PRTG: variants seen among roughly 807,000 people sequenced by gnomAD.
PRTG encodes the protein protogenin.
PRTG carries 67 observed loss-of-function variants against 122.5 expected under a neutral mutation model. That is an observed-to-expected ratio of 0.55 (90% confidence interval 0.45 to 0.67). The LOEUF is 0.67. PRTG is among the 30% of genes least tolerant of loss of function. The pLI is 0.00. For missense variants in PRTG, 1,435 were observed against 1,415.4 expected (o/e 1.01, Z -0.22); for synonymous variants, 554 against 501.1 (o/e 1.11, Z -1.41).
chr15:55,711,517 T>C (rs1255223432), intron 2 of PRTG, among the ~76,000 whole-genome samples: 7 of 152,070 alleles, frequency 4.6e-5, no homozygotes, highest in South Asian at 2.1e-4. Flanking sequence ...ACCAGGTCCT[T>C]GAGAAGCGCT....
At chr15:55,673,743 A>G in intron 9 of PRTG, 67 bp from the exon 10 acceptor site, 1 of 1,215,212 alleles carries the variant, frequency 8.2e-7, no homozygotes, top group East Asian at 2.3e-5. Flanking sequence ...GCACACCAGT[A>G]ACTGAATTCT....
At chr15:55,657,551 C>T (rs10851589) in intron 11 of PRTG, among the ~76,000 whole-genome samples, 116,533 of 152,078 alleles carry the variant, frequency 0.77, 45,432 homozygotes, top group Non-Finnish European at 0.84. Context: ...AATACATGTT[C>T]CATAGAGATT....
chr15:55,631,414 G>A (rs141426490), intron 15 of PRTG, among the ~76,000 whole-genome samples: 109 of 152,216 alleles, frequency 7.2e-4, no homozygotes, highest in African/African-American at 2.4e-3. Flanking sequence ...CACTTAATTT[G>A]TTTTATACAA....
At chr15:55,629,375 A>ATATATG (rs1374294067) in intron 15 of PRTG, among the ~76,000 whole-genome samples, 3 of 47,932 alleles carry the variant, frequency 6.3e-5, no homozygotes, top group Admixed American at 2.2e-4. Context: ...ATATATATAT[A>ATATATG]TGTGTGTGTG....
intron 2 of PRTG, chr15:55,738,400 A>G (rs2141895209): frequency 1.5e-6 from 1 of 677,862 alleles, no homozygotes; most frequent in East Asian, 2.7e-5. Flanking sequence ...CTAGGATTCT[A>G]TCAGGCTTCT....
In PRTG at chr15:55,624,336, C is replaced by G; in HGVS notation, c.3093+6G>C. Reference sequence around the variant, plus strand: ...GGCTTATGCAGCAAATCCCGCAGCTCAGTACCTTTGCATCAATGAAGCTGT... The same window carrying G: ...GGCTTATGCAGCAAATCCCGCAGCTGAGTACCTTTGCATCAATGAAGCTGT... On this transcript the variant is annotated splice_donor_region_variant and intron_variant, in intron 18 of 19. Transcript: ENST00000389286. 1 of 1,613,492 alleles carries G rather than the reference C, an allele frequency of 6.2e-7. No individual in the cohort carries two copies. The highest frequency in any genetic ancestry group is 1.3e-5 in the African/African-American group (1 of 75,046).
intron 11 of PRTG, among the ~76,000 whole-genome samples, chr15:55,664,399 T>C (rs1240015898): frequency 1.3e-5 from 2 of 152,176 alleles, no homozygotes; most frequent in Non-Finnish European, 2.9e-5. Flanking sequence ...CGCCTCGATC[T>C]CCCAAAGTGC....
intron 11 of PRTG, among the ~76,000 whole-genome samples, chr15:55,663,392 C>T (rs1226134371): frequency 3.9e-5 from 6 of 152,046 alleles, no homozygotes; most frequent in Non-Finnish European, 7.4e-5. Context: ...TCCTATTTAA[C>T]GCATGTATAG....
chr15:55,704,802 A>G (rs2030035067), intron 2 of PRTG, among the ~76,000 whole-genome samples: 1 of 152,220 alleles, frequency 6.6e-6, no homozygotes, highest in African/African-American at 2.4e-5. Flanking sequence ...TAGCTGTTAA[A>G]TTAAAAAGCA....
rs972816870 is a variant in PRTG at position 55,615,940 on chromosome 15, C to T, written c.*4072G>A. The T allele has an allele frequency of 2.0e-5, 3 of 152,106 alleles. No homozygotes were observed. Among genetic ancestry groups the T allele is most frequent in the Non-Finnish European group, 4.4e-5 (3 of 67,996 alleles). 9.4% of individuals were successfully genotyped at this position (152,106 alleles called of 1,614,324 possible). A position where few individuals can be genotyped will look rare whatever the true frequency, so the allele number is the denominator to read the frequency against. ...AACAATGATCCTGGGTTGTCAACCA[C>T]GAGCACATTTCTGGCAGAAGTCCTT... is the stretch of plus-strand genomic sequence containing the variant. On this transcript the variant is annotated 3_prime_UTR_variant, in exon 20 of 20. Transcript: ENST00000389286.
chr15:55,683,340 G>C (rs1478267508), intron 3 of PRTG, among the ~76,000 whole-genome samples: 1 of 152,122 alleles, frequency 6.6e-6, no homozygotes, highest in African/African-American at 2.4e-5. Context: ...ACCGCCCGCA[G>C]AACACTAGAT....
rs764918453 is a variant in PRTG, at chr15:55,673,722, A to G, written c.1547-46T>C. 2.1e-6 allele frequency: 3 copies of G among 1,456,470 alleles called. No individual in the cohort carries two copies. In the African/African-American group the frequency reaches 4.2e-5, roughly 20 times the overall value. The allele number at this position is 1,456,470 out of a possible 1,614,324, so 90.2% of individuals were successfully genotyped here. A position where few individuals can be genotyped will look rare whatever the true frequency, so the allele number is the denominator to read the frequency against. On this transcript the variant is annotated intron_variant, in intron 9 of 19. Coordinates refer to ENST00000389286, the MANE Select transcript of PRTG (RefSeq NM_173814.6). ...GTTGTTTATAAATATTTAGAATCGA[A>G]TTGCCACTTAGCACACCAGTAACTG...
intron 11 of PRTG, among the ~76,000 whole-genome samples, chr15:55,665,227 T>C (rs2059432537): frequency 6.6e-6 from 1 of 151,824 alleles, no homozygotes; most frequent in Admixed American, 6.6e-5. Context: ...GCCCCTGCAC[T>C]CCAGCCTGGG....
chr15:55,728,237 T>C (rs1385621225), intron 2 of PRTG, among the ~76,000 whole-genome samples: 3 of 152,198 alleles, frequency 2.0e-5, no homozygotes, highest in African/African-American at 7.2e-5. Context: ...AGTATTTTTA[T>C]AGGGAATATT....
chr15:55,736,214 C>A (rs570808329), intron 2 of PRTG, among the ~76,000 whole-genome samples: 2 of 152,004 alleles, frequency 1.3e-5, no homozygotes, highest in Middle Eastern at 6.3e-3. Context: ...TGAATAGGCA[C>A]GCAGGTAAGA....
chr15:55,672,703 G>A (rs2059479829), intron 10 of PRTG, 70 bp from the exon 11 acceptor site: 2 of 1,142,842 alleles, frequency 1.8e-6, no homozygotes, highest in Admixed American at 5.9e-5. Flanking sequence ...GAATAGGGTA[G>A]TTCTCTCAGT....
At chr15:55,689,585 T>C (rs1348203206) in intron 2 of PRTG, among the ~76,000 whole-genome samples, 1 of 150,180 alleles carries the variant, frequency 6.7e-6, no homozygotes, top group Non-Finnish European at 1.5e-5. Flanking sequence ...CATGTATACC[T>C]ATGTAACAAA....
Position 55,634,825 on chromosome 15 carries a change from G to A in PRTG, c.2623+2345C>T, listed in dbSNP as rs796205403. The stretch of plus-strand genomic sequence containing the variant: ...TGTACTCCAGCCTGGGCAACAGAGC[G>A]AGACTCCGTCTCCAAAAAAAAAAAA... On this transcript the variant is annotated intron_variant, in intron 15 of 19. Transcript: ENST00000389286. Among the ~76,000 whole-genome samples, 30 of 151,708 alleles carry A rather than the reference G, an allele frequency of 2.0e-4. 4 individuals are homozygous for A. The highest frequency in any genetic ancestry group is 5.1e-4 in the African/African-American group (21 of 41,358).
At chr15:55,724,306 T>A (rs1355769078) in intron 2 of PRTG, among the ~76,000 whole-genome samples, 2 of 152,322 alleles carry the variant, frequency 1.3e-5, no homozygotes, top group East Asian at 3.9e-4. Context: ...TATAAAACTA[T>A]TTCTCCCTTC....
Sources: gnomAD v4.1 joint callset for allele counts (sites outside exome capture counted in the v4.1 genomes callset) on GRCh38, gnomAD v4.1.1 for gene constraint, MANE v1.5 for transcripts, NCBI Gene and HGNC (gene_info 2026-07-23, HGNC 2026-07-21) for gene names.